FSTL4: variants seen among roughly 807,000 people sequenced by gnomAD.
FSTL4 encodes the protein follistatin like 4.
A neutral mutation model predicts 78.2 loss-of-function variants in FSTL4; 28 were observed. That is an observed-to-expected ratio of 0.36 (90% CI 0.27 to 0.49). The LOEUF is 0.49. Among genes scored for constraint, FSTL4 ranks in the 20% least tolerant of loss-of-function variants. The probability of loss-of-function intolerance (pLI) is 0.98; values close to 1 mark genes in which losing one functional copy is unlikely to be tolerated. For synonymous variants in FSTL4, 422 were observed against 440.5 expected (o/e 0.96, Z 0.53); for missense variants, 922 against 1,084.9 (o/e 0.85, Z 2.11).
chr5:133,343,438 T>C (rs12233918), intron 4 of FSTL4, among the ~76,000 whole-genome samples: 71,149 of 152,016 alleles, frequency 0.47, 19,355 homozygotes, highest in African/African-American at 0.76. Flanking sequence ...CTGAGCAACT[T>C]GGCAGCTTCA....
chr5:133,533,302 G>C (rs1194255616), intron 3 of FSTL4, among the ~76,000 whole-genome samples: 4 of 152,192 alleles, frequency 2.6e-5, no homozygotes, highest in African/African-American at 9.7e-5. Flanking sequence ...GGAGTAAAGT[G>C]ATGTGATCTC....
chr5:133,519,786 C>T (rs999628195), intron 3 of FSTL4, among the ~76,000 whole-genome samples: 2 of 152,202 alleles, frequency 1.3e-5, no homozygotes, highest in Non-Finnish European at 2.9e-5. Flanking sequence ...ATCCTAAGAT[C>T]TTCTAATCGG....
At chr5:133,413,438 T>TA (rs1756519444) in intron 3 of FSTL4, among the ~76,000 whole-genome samples, 1 of 152,320 alleles carries the variant, frequency 6.6e-6, no homozygotes, top group Admixed American at 6.5e-5. Context: ...CCCTTATAGG[T>TA]AATCCATTTT....
Position 133,450,573 on chromosome 5 carries a change from T to C in FSTL4, c.161-49587A>G, listed in dbSNP as rs573101613. On this transcript the variant is annotated intron_variant, in intron 3 of 15. Coordinates refer to ENST00000265342, the MANE Select transcript of FSTL4 (RefSeq NM_015082.2). Reference sequence around the variant, plus strand: ...GTGCATGAGCAATCGACATAATTTATATGTTGCAAGTGGACGAGCTGGCAT... The same window carrying C: ...GTGCATGAGCAATCGACATAATTTACATGTTGCAAGTGGACGAGCTGGCAT... 1.1e-4 allele frequency among the ~76,000 whole-genome samples: 16 copies of C among 152,378 alleles called. 2 individuals carry two copies. The South Asian group carries it at 3.3e-3, about 32-fold the overall frequency.
chr5:133,745,967 C>T, the FSTL4 span, among the ~76,000 whole-genome samples: 2 of 152,152 alleles, frequency 1.3e-5, no homozygotes, highest in African/African-American at 2.4e-5. Context: ...CAAGGCACCA[C>T]GATACAGGCC....
intron 12 of FSTL4, 103 bp from the exon 13 acceptor site, chr5:133,217,481 CTCTT>C (rs1383922766): frequency 1.9e-6 from 2 of 1,079,136 alleles, no homozygotes; most frequent in South Asian, 3.1e-5. Flanking sequence ...TTCTTCCTCT[CTCTT>C]AGAATCCTTT....
At chr5:133,600,425 G>C (rs535487313) in intron 2 of FSTL4, among the ~76,000 whole-genome samples, 1 of 151,668 alleles carries the variant, frequency 6.6e-6, no homozygotes, top group Admixed American at 6.6e-5. Flanking sequence ...GGATAAAGGG[G>C]GGGGGGATAT....
chr5:133,663,116 G>A, the FSTL4 span, among the ~76,000 whole-genome samples: 1 of 152,322 alleles, frequency 6.6e-6, no homozygotes, highest in Admixed American at 6.5e-5. Context: ...TAGGGGTAAT[G>A]TGAGACCATT....
At chr5:133,333,520 T>C (rs1055300888) in intron 4 of FSTL4, among the ~76,000 whole-genome samples, 7 of 152,206 alleles carry the variant, frequency 4.6e-5, no homozygotes, top group Non-Finnish European at 8.8e-5. Context: ...CAAATCTTAT[T>C]GTCACTAACA....
the FSTL4 span, among the ~76,000 whole-genome samples, chr5:133,756,939 T>C: frequency 2.0e-5 from 3 of 152,220 alleles, no homozygotes; most frequent in African/African-American, 7.2e-5. Context: ...AGGAGTCAGC[T>C]CACCCCGCCC....
At chr5:133,798,345 G>C in the FSTL4 span, among the ~76,000 whole-genome samples, 1 of 152,178 alleles carries the variant, frequency 6.6e-6, no homozygotes, top group Non-Finnish European at 1.5e-5. Context: ...AGCAAACTCA[G>C]GGTGAGAGGG....
rs186675869 is a variant in FSTL4, at chr5:133,232,515, C to T, written c.1015+902G>A. Among the ~76,000 whole-genome samples the T allele has an allele frequency of 1.1e-4, 16 of 152,270 alleles. 1 individual carries two copies. In the East Asian group the frequency reaches 2.5e-3, roughly 24 times the overall value. ...ATAGCTAAATTTGGCTTGAGTTACA[C>T]CAACAATCACCCCCGTATCTACCCT... On this transcript the variant is annotated intron_variant, in intron 8 of 15. Transcript: ENST00000265342.
chr5:133,696,667 G>A, the FSTL4 span, among the ~76,000 whole-genome samples: 1 of 152,242 alleles, frequency 6.6e-6, no homozygotes, highest in African/African-American at 2.4e-5. Context: ...TGAACAGATG[G>A]ACAGATAGAC....
chr5:133,273,660 C>A (rs1362727996), intron 6 of FSTL4, among the ~76,000 whole-genome samples: 2 of 152,240 alleles, frequency 1.3e-5, no homozygotes, highest in African/African-American at 4.8e-5. Context: ...AGGAACCCAG[C>A]AGGCCCCAGG....
At chr5:133,450,988 A>G (rs1240731714) in intron 3 of FSTL4, among the ~76,000 whole-genome samples, 1 of 152,040 alleles carries the variant, frequency 6.6e-6, no homozygotes, top group Non-Finnish European at 1.5e-5. Flanking sequence ...GGGACAGAGG[A>G]GGGAGAGGCA....
chr5:133,789,198 G>T, the FSTL4 span, among the ~76,000 whole-genome samples: 1 of 152,170 alleles, frequency 6.6e-6, no homozygotes, highest in Non-Finnish European at 1.5e-5. Flanking sequence ...GTGGGGGAAG[G>T]TTGGCCATGT....
chr5:133,241,478 C>G (rs1751871836), intron 7 of FSTL4, among the ~76,000 whole-genome samples: 1 of 152,228 alleles, frequency 6.6e-6, no homozygotes, highest in Admixed American at 6.5e-5. Context: ...CAACAGAAGG[C>G]TCATGCCAGA....
chr5:133,719,672 TAAAAAAA>T, the FSTL4 span, among the ~76,000 whole-genome samples: 19 of 102,040 alleles, frequency 1.9e-4, no homozygotes, highest in East Asian at 5.4e-3. Flanking sequence ...AAACTCCATC[TAAAAAAA>T]AAAAAAAAAA....
chr5:133,638,907 T>A, the FSTL4 span, among the ~76,000 whole-genome samples: 3 of 124,138 alleles, frequency 2.4e-5, no homozygotes, highest in Admixed American at 2.7e-4. Flanking sequence ...ATTTCTCTAT[T>A]GACATGTATT....
Sources: gnomAD v4.1 joint callset for allele counts (sites outside exome capture counted in the v4.1 genomes callset) on GRCh38, gnomAD v4.1.1 for gene constraint, MANE v1.5 for transcripts, NCBI Gene and HGNC (gene_info 2026-07-23, HGNC 2026-07-21) for gene names.